The following ZNF609 variants were observed in gnomAD, a reference collection of about 807,000 sequenced individuals.
ZNF609 encodes zinc finger protein 609.
In ZNF609, 11 loss-of-function variants were observed where a neutral mutation model predicts 109.5. That is an observed-to-expected ratio of 0.10 (90% CI 0.06 to 0.17). ZNF609 has a LOEUF of 0.17. Ranked by LOEUF, ZNF609 falls within the 10% of genes least tolerant of loss-of-function variation. The pLI, the probability that ZNF609 is intolerant of heterozygous loss-of-function variation, is 1.00. For missense variants in ZNF609, 1,559 were observed against 1,772.4 expected, an observed-to-expected ratio of 0.88 and a Z score of 2.16; for synonymous variants, 646 against 662.0, an observed-to-expected ratio of 0.98 and a Z score of 0.37.
At chr15:64,616,837 T>TTC (rs1895806740) in intron 2 of ZNF609, among the ~76,000 whole-genome samples, 1 of 127,810 alleles carries the variant, frequency 7.8e-6, no homozygotes, top group Admixed American at 8.0e-5. Context: ...TTTTTTTTTT[T>TTC]GCACTCTGTC....
chr15:64,645,200 C>T (rs143356272), intron 3 of ZNF609, among the ~76,000 whole-genome samples: 2,235 of 147,534 alleles, frequency 0.015, 23 homozygotes, highest in Non-Finnish European at 0.023. Context: ...AAGATATCCT[C>T]CTACCTCAAC....
chr15:64,607,499 A>G (rs1288057600), intron 2 of ZNF609, among the ~76,000 whole-genome samples: 3 of 147,564 alleles, frequency 2.0e-5, no homozygotes, highest in Non-Finnish European at 4.5e-5. Context: ...AACTTAAGGC[A>G]TACTTTTTTT....
chr15:64,633,378 C>G (rs1054695209), intron 3 of ZNF609, among the ~76,000 whole-genome samples: 1 of 152,184 alleles, frequency 6.6e-6, no homozygotes, highest in African/African-American at 2.4e-5. Context: ...AGCTCCTGGG[C>G]TCAAGTGATC....
At chr15:64,461,289 A>G (rs1596371695) in intron 1 of ZNF609, among the ~76,000 whole-genome samples, 1 of 151,280 alleles carries the variant, frequency 6.6e-6, no homozygotes, top group African/African-American at 2.4e-5. Context: ...GTGACCTAGG[A>G]GTGGGGAGCA....
intron 2 of ZNF609, among the ~76,000 whole-genome samples, chr15:64,506,190 C>T: frequency 6.6e-6 from 1 of 151,240 alleles, no homozygotes; most frequent in East Asian, 2.0e-4. Flanking sequence ...ACTCTGCCGC[C>T]CAGGCTGGAG....
chr15:64,601,297 A>G (rs539152732), intron 2 of ZNF609, among the ~76,000 whole-genome samples: 1 of 152,370 alleles, frequency 6.6e-6, no homozygotes, highest in Non-Finnish European at 1.5e-5. Context: ...AGTGGACAGT[A>G]TGCTAAGTGG....
intron 1 of ZNF609, among the ~76,000 whole-genome samples, chr15:64,493,134 A>G (rs1476323670): frequency 6.6e-6 from 1 of 152,136 alleles, no homozygotes; most frequent in African/African-American, 2.4e-5. Context: ...GGTAGTTACC[A>G]ATTAAAGGAA....
intron 2 of ZNF609, among the ~76,000 whole-genome samples, chr15:64,582,697 ACT>A (rs1895125461): frequency 8.8e-6 from 1 of 113,788 alleles, no homozygotes; most frequent in African/African-American, 3.4e-5. Flanking sequence ...CTATCCATTC[ACT>A]CTTTCTTTCT....
chr15:64,462,588 G>A (rs904571311), intron 1 of ZNF609, among the ~76,000 whole-genome samples: 3 of 152,074 alleles, frequency 2.0e-5, no homozygotes, highest in Admixed American at 2.0e-4. Flanking sequence ...GGGCAACAAA[G>A]CAAGACCCTG....
At chr15:64,581,410 C>T (rs1895102624) in intron 2 of ZNF609, among the ~76,000 whole-genome samples, 1 of 151,998 alleles carries the variant, frequency 6.6e-6, no homozygotes, top group Non-Finnish European at 1.5e-5. Flanking sequence ...ATGTCCTTCC[C>T]CAGCTTTTCC....
intron 2 of ZNF609, among the ~76,000 whole-genome samples, chr15:64,518,418 A>G (rs923059820): frequency 6.6e-6 from 1 of 152,214 alleles, no homozygotes; most frequent in Non-Finnish European, 1.5e-5. Flanking sequence ...CTGGAGGAGG[A>G]GGAATAGAAT....
chr15:64,592,975 C>T lies in ZNF609; in HGVS notation c.748-29852C>T. On this transcript the variant is annotated intron_variant, in intron 2 of 9. Transcript: ENST00000326648. ...TTTTGCTCTCTCCGGTCCGTGCCTC[C>T]AAGATGACAAAGAAAAGAAGGAACA... The T allele has an allele frequency of 3.9e-6, 5 of 1,285,480 alleles. No homozygotes were observed. The South Asian group carries it at 5.9e-5, about 15-fold the overall frequency. The allele number at this position is 1,285,480 out of a possible 1,614,324, so 79.6% of individuals were successfully genotyped here.
chr15:64,529,679 C>T, intron 2 of ZNF609: 3 of 727,428 alleles, frequency 4.1e-6, no homozygotes, highest in Non-Finnish European at 7.5e-6. Flanking sequence ...CATGGTGTCT[C>T]AGGGATGCAG....
At chr15:64,614,213 C>T (rs1367492413) in intron 2 of ZNF609, among the ~76,000 whole-genome samples, 2 of 150,464 alleles carry the variant, frequency 1.3e-5, no homozygotes, top group Non-Finnish European at 3.0e-5. Flanking sequence ...GAGCCATGTG[C>T]CCAGCCTTTT....
intron 1 of ZNF609, among the ~76,000 whole-genome samples, chr15:64,486,310 G>A (rs1369330808): frequency 1.3e-5 from 2 of 152,122 alleles, no homozygotes; most frequent in East Asian, 3.9e-4. Context: ...GATCACCTGA[G>A]GTCAGGAGTT....
chr15:64,528,932 G>T (rs978931825), intron 2 of ZNF609: 48 of 1,254,448 alleles, frequency 3.8e-5, no homozygotes, highest in Non-Finnish European at 5.3e-5. Flanking sequence ...TTTTCCAGAC[G>T]ACAGGTCAGG....
chr15:64,626,128 G>T (rs946530333), intron 3 of ZNF609, among the ~76,000 whole-genome samples: 1 of 151,586 alleles, frequency 6.6e-6, no homozygotes, highest in Non-Finnish European at 1.5e-5. Flanking sequence ...TTAATACCAG[G>T]TTTTCTCCCA....
upstream of ZNF609, among the ~76,000 whole-genome samples, chr15:64,460,404 G>A (rs1694220987): frequency 6.6e-6 from 1 of 152,152 alleles, no homozygotes; most frequent in East Asian, 1.9e-4. Context: ...CATTCCCTGA[G>A]CTAAGACTCC....
At chr15:64,515,895 G>A (rs201927205) in intron 2 of ZNF609, among the ~76,000 whole-genome samples, 4 of 149,016 alleles carry the variant, frequency 2.7e-5, no homozygotes, top group East Asian at 3.9e-4. Flanking sequence ...CTGAGATCGC[G>A]CCATTGCACT....
Sources: gnomAD v4.1 joint callset for allele counts (sites outside exome capture counted in the v4.1 genomes callset) on GRCh38, gnomAD v4.1.1 for gene constraint, MANE v1.5 for transcripts, NCBI Gene and HGNC (gene_info 2026-07-23, HGNC 2026-07-21) for gene names.